Variants in RBFOX1 observed in about 807,000 individuals in gnomAD.
RBFOX1 encodes the protein RNA binding protein fox-1 homolog 1.
A neutral mutation model predicts 57.7 loss-of-function variants in RBFOX1; 8 were observed. The observed-to-expected ratio is 0.14, with a 90% CI of 0.08 to 0.25. The LOEUF (loss-of-function observed/expected upper bound fraction) is 0.25, where lower values mean the gene tolerates loss of function less well. RBFOX1 is among the 10% of genes least tolerant of loss of function. The pLI, the probability that RBFOX1 is intolerant of heterozygous loss-of-function variation, is 1.00. For synonymous variants in RBFOX1, 326 were observed against 222.4 expected (o/e 1.47, Z -4.15); for missense variants, 611 against 548.5 (o/e 1.11, Z -1.14).
intron 3 of RBFOX1, among the ~76,000 whole-genome samples, chr16:5,633,705 C>T (rs1326053677): frequency 1.3e-5 from 2 of 152,076 alleles, no homozygotes; most frequent in Non-Finnish European, 2.9e-5. Context: ...GAAACTCCGT[C>T]TCTTCTAAAA....
At chr16:7,304,235 AG>A (rs2096114534) in intron 4 of RBFOX1, 1 of 983,708 alleles carries the variant, frequency 1.0e-6, no homozygotes, top group African/African-American at 1.8e-5. Context: ...AGAGAGAGAG[AG>A]AGAGAGAGAG....
intron 10 of RBFOX1, among the ~76,000 whole-genome samples, chr16:7,618,049 T>C (rs1190590265): frequency 1.3e-5 from 2 of 152,094 alleles, no homozygotes; most frequent in Non-Finnish European, 2.9e-5. Context: ...TGATACCTAC[T>C]GATGGGAATT....
intron 2 of RBFOX1, among the ~76,000 whole-genome samples, chr16:6,431,397 A>C (rs1196326015): frequency 6.6e-6 from 1 of 151,978 alleles, no homozygotes; most frequent in Non-Finnish European, 1.5e-5. Context: ...AGAGGGAGGG[A>C]AAAGGAGCGT....
At chr16:6,022,678 T>C (rs1385671387) in intron 1 of RBFOX1, among the ~76,000 whole-genome samples, 1 of 152,158 alleles carries the variant, frequency 6.6e-6, no homozygotes, top group Non-Finnish European at 1.5e-5. Context: ...AATGAGACCC[T>C]GCCTCAAAAA....
At chr16:7,273,248 T>C (rs966754314) in intron 4 of RBFOX1, among the ~76,000 whole-genome samples, 6 of 134,102 alleles carry the variant, frequency 4.5e-5, no homozygotes, top group South Asian at 2.7e-4. Flanking sequence ...CTTCCTTCCT[T>C]CCTTCCTTCC....
At chr16:6,888,846 C>G (rs533951730) in intron 3 of RBFOX1, among the ~76,000 whole-genome samples, 3 of 152,202 alleles carry the variant, frequency 2.0e-5, no homozygotes, top group African/African-American at 4.8e-5. Context: ...ATTTTTATGT[C>G]CTTTATTCAT....
intron 3 of RBFOX1, among the ~76,000 whole-genome samples, chr16:6,726,597 C>T (rs78995549): frequency 2.5e-3 from 382 of 152,126 alleles, no homozygotes; most frequent in Non-Finnish European, 4.4e-3. Context: ...AGCTGCTTTC[C>T]TGGTCATATT....
At chr16:5,892,815 G>A (rs1011923344) in intron 4 of RBFOX1, among the ~76,000 whole-genome samples, 1 of 152,152 alleles carries the variant, frequency 6.6e-6, no homozygotes, top group South Asian at 2.1e-4. Flanking sequence ...GCCAAGTCAA[G>A]GCACTGTGCA....
chr16:6,646,487 G>A (rs962899232), intron 2 of RBFOX1, among the ~76,000 whole-genome samples: 2 of 152,040 alleles, frequency 1.3e-5, no homozygotes, highest in African/African-American at 4.8e-5. Flanking sequence ...GGTCCTCGGT[G>A]GCAGATTAAG....
chr16:7,201,308 A>G (rs183934151), intron 4 of RBFOX1, among the ~76,000 whole-genome samples: 1 of 152,168 alleles, frequency 6.6e-6, no homozygotes. Flanking sequence ...AGAAGAGGTG[A>G]AGTCACCAGC....
intron 4 of RBFOX1, among the ~76,000 whole-genome samples, chr16:5,982,564 C>A (rs180989206): frequency 6.6e-6 from 1 of 152,224 alleles, no homozygotes; most frequent in East Asian, 1.9e-4. Flanking sequence ...GCGTGAGCCA[C>A]TGTGCCCAGC....
intron 4 of RBFOX1, among the ~76,000 whole-genome samples, chr16:7,254,452 C>T (rs575371899): frequency 6.1e-4 from 93 of 152,162 alleles, no homozygotes; most frequent in African/African-American, 2.0e-3. Flanking sequence ...AAACAAGCTG[C>T]GGTCTCTAAA....
intron 4 of RBFOX1, among the ~76,000 whole-genome samples, chr16:7,246,801 ACGACT>A (rs1302990540): frequency 1.3e-5 from 2 of 152,054 alleles, no homozygotes; most frequent in African/African-American, 4.8e-5. Context: ...ATCAGGTTCA[ACGACT>A]GGCTGACTGA....
intron 2 of RBFOX1, among the ~76,000 whole-genome samples, chr16:6,352,313 C>T (rs1341961064): frequency 6.6e-6 from 1 of 151,920 alleles, no homozygotes; most frequent in African/African-American, 2.4e-5. Context: ...GACCATTGTA[C>T]CTAAAGTAGT....
intron 4 of RBFOX1, among the ~76,000 whole-genome samples, chr16:5,929,661 T>C (rs2059008595): frequency 6.6e-6 from 1 of 152,216 alleles, no homozygotes; most frequent in Non-Finnish European, 1.5e-5. Flanking sequence ...TTTAAGAATG[T>C]AGACTTTGGT....
intron 4 of RBFOX1, among the ~76,000 whole-genome samples, chr16:7,361,207 G>A (rs979352609): frequency 6.6e-6 from 1 of 152,054 alleles, no homozygotes; most frequent in Admixed American, 6.5e-5. Flanking sequence ...AGCCAGTTTC[G>A]TTTTATGCAG....
chr16:6,998,541 A>T (rs1426169393), intron 3 of RBFOX1, among the ~76,000 whole-genome samples: 1 of 152,204 alleles, frequency 6.6e-6, no homozygotes, highest in African/African-American at 2.4e-5. Context: ...GTTCTAAATG[A>T]GAACAGCTGG....
Position 7,547,749 on chromosome 16 carries a change from T to G in RBFOX1, c.270+29360T>G, listed in dbSNP as rs185444492. On this transcript the variant is annotated intron_variant, in intron 5 of 15. Coordinates refer to ENST00000550418, the MANE Select transcript of RBFOX1 (RefSeq NM_018723.4). ...GCTCCTACCATTTTATTTTTGCAGG[T>G]GGAAACAGTTGTATAGTTCTTTGCT... is the stretch of plus-strand genomic sequence containing the variant. 4.2e-4 allele frequency among the ~76,000 whole-genome samples: 64 copies of G among 152,342 alleles called. 1 individual carries two copies. Among genetic ancestry groups the G allele is most frequent in the African/African-American group, 1.5e-3 (63 of 41,582 alleles).
At chr16:6,838,919 CTG>C (rs904267080) in intron 3 of RBFOX1, among the ~76,000 whole-genome samples, 3 of 151,914 alleles carry the variant, frequency 2.0e-5, no homozygotes, top group Non-Finnish European at 4.4e-5. Context: ...CCATTCAAGA[CTG>C]TGCACTGGTT....
Sources: allele counts gnomAD v4.1 joint callset (sites outside exome capture counted in the v4.1 genomes callset), GRCh38; gene constraint gnomAD v4.1.1; transcripts MANE v1.5; gene names NCBI Gene and HGNC (gene_info 2026-07-23, HGNC 2026-07-21).